SOX6: variants seen among roughly 807,000 people sequenced by gnomAD.
SOX6 encodes the protein transcription factor SOX-6.
A neutral mutation model predicts 97.8 loss-of-function variants in SOX6; 11 were observed. The observed-to-expected ratio is 0.11, with a 90% CI of 0.07 to 0.19. The LOEUF (loss-of-function observed/expected upper bound fraction) is 0.19, where lower values mean the gene tolerates loss of function less well. Among genes scored for constraint, SOX6 ranks in the 10% least tolerant of loss-of-function variants. The probability of loss-of-function intolerance (pLI) is 1.00; values close to 1 mark genes in which losing one functional copy is unlikely to be tolerated. For missense variants in SOX6, 810 were observed against 1,039.5 expected, an observed-to-expected ratio of 0.78 and a Z score of 3.04; for synonymous variants, 360 against 371.4, an observed-to-expected ratio of 0.97 and a Z score of 0.35.
At chr11:16,183,776 C>T in intron 6 of SOX6, 110 bp downstream of exon 6, 1 of 886,572 alleles carries the variant, frequency 1.1e-6, no homozygotes, top group Non-Finnish European at 1.9e-6. Context: ...TGAAAACAGC[C>T]TTATTGGTGC....
At position 16,294,108 on chromosome 11, in the gene SOX6, C is replaced by T. The variant is rs186241353; in HGVS notation, c.445+24338G>A. On this transcript the variant is annotated intron_variant, in intron 3 of 15. Transcript: ENST00000683767. ...GGTTTGAAATTCAAGGGGCCAATCA[C>T]GCTTATTTTCTTTCTTAAATGATTT... Among the ~76,000 whole-genome samples, 11 of 152,016 alleles carry T rather than the reference C, an allele frequency of 7.2e-5. No individual in the cohort carries two copies. The East Asian group carries it at 1.7e-3, about 24-fold the overall frequency.
At chr11:16,603,024 TAAAAAAAGAAA>T (rs1448477364) in intron 4 of SOX6, among the ~76,000 whole-genome samples, 3 of 148,012 alleles carry the variant, frequency 2.0e-5, no homozygotes, top group Non-Finnish European at 4.5e-5. Context: ...CCGTCTCAAA[TAAAAAAAGAAA>T]AAAAAAAGAA....
chr11:16,252,618 G>A (rs1258525401), intron 3 of SOX6: 1 of 152,218 alleles, frequency 6.6e-6, no homozygotes, highest in East Asian at 1.9e-4. Context: ...AGGAGATTAA[G>A]AAGCATTTTT....
At chr11:16,181,103 A>T (rs1663836859) in intron 6 of SOX6, among the ~76,000 whole-genome samples, 1 of 151,590 alleles carries the variant, frequency 6.6e-6, no homozygotes, top group Admixed American at 6.6e-5. Flanking sequence ...AAAAAACAGT[A>T]CTATTTCAGA....
intron 4 of SOX6, among the ~76,000 whole-genome samples, chr11:16,500,611 T>C (rs1860689196): frequency 6.6e-6 from 1 of 152,180 alleles, no homozygotes; most frequent in Non-Finnish European, 1.5e-5. Flanking sequence ...TTCAGCAAAG[T>C]CTCAGGATAC....
chr11:16,693,787 T>TTTTGATAGTA (rs1157731013), intron 3 of SOX6, among the ~76,000 whole-genome samples: 1 of 152,132 alleles, frequency 6.6e-6, no homozygotes, highest in Non-Finnish European at 1.5e-5. Flanking sequence ...ACTTTCTAAG[T>TTTTGATAGTA]CCATATTCTG....
intron 3 of SOX6, among the ~76,000 whole-genome samples, chr11:16,638,129 C>T (rs1315020219): frequency 6.9e-6 from 1 of 145,140 alleles, no homozygotes; most frequent in Non-Finnish European, 1.5e-5. Flanking sequence ...TTGTTCAATT[C>T]CCACCTATAA....
intron 4 of SOX6, among the ~76,000 whole-genome samples, chr11:16,194,896 A>G (rs1005502449): frequency 6.6e-6 from 1 of 152,222 alleles, no homozygotes; most frequent in African/African-American, 2.4e-5. Flanking sequence ...CTCTCCTTCA[A>G]TATAAGACAG....
chr11:16,081,887 T>G (rs1032170075), intron 9 of SOX6, among the ~76,000 whole-genome samples: 4 of 152,106 alleles, frequency 2.6e-5, no homozygotes, highest in Non-Finnish European at 4.4e-5. Flanking sequence ...TAAAGGAAAT[T>G]TTATCGTTTC....
intron 4 of SOX6, among the ~76,000 whole-genome samples, chr11:16,562,392 T>C (rs933300368): frequency 6.6e-6 from 1 of 152,002 alleles, no homozygotes; most frequent in African/African-American, 2.4e-5. Flanking sequence ...AAAACATCAA[T>C]AGATACAGAA....
intron 6 of SOX6, among the ~76,000 whole-genome samples, chr11:16,125,085 T>C (rs1849576947): frequency 6.6e-6 from 1 of 152,074 alleles, no homozygotes; most frequent in East Asian, 1.9e-4. Context: ...CATTCATTGA[T>C]TGACTGACTA....
intron 1 of SOX6, among the ~76,000 whole-genome samples, chr11:16,424,338 C>A (rs1248666103): frequency 2.0e-5 from 3 of 152,204 alleles, no homozygotes; most frequent in African/African-American, 7.2e-5. Flanking sequence ...AAAGTGGATT[C>A]ATATACACTA....
intron 15 of SOX6, among the ~76,000 whole-genome samples, chr11:15,983,892 G>T (rs1177283181): frequency 6.6e-6 from 1 of 152,042 alleles, no homozygotes; most frequent in Non-Finnish European, 1.5e-5. Flanking sequence ...CACAAGCAGA[G>T]ACTTCATTTT....
At chr11:16,443,632 T>C (rs1343672005) in intron 1 of SOX6, among the ~76,000 whole-genome samples, 1 of 152,202 alleles carries the variant, frequency 6.6e-6, no homozygotes, top group Non-Finnish European at 1.5e-5. Flanking sequence ...CATGGGTAAA[T>C]TGCATATTGC....
chr11:16,097,797 C>A, intron 7 of SOX6, 109 bp from the exon 8 acceptor site: 3 of 1,011,490 alleles, frequency 3.0e-6, no homozygotes, highest in South Asian at 2.6e-5. Context: ...TTGCTCTAAG[C>A]CCAAACATCT....
chr11:16,709,674 G>C (rs1848162480), intron 3 of SOX6, among the ~76,000 whole-genome samples: 1 of 152,180 alleles, frequency 6.6e-6, no homozygotes, highest in Admixed American at 6.5e-5. Context: ...AGAACTGTGA[G>C]CCAATTAAAC....
intron 4 of SOX6, among the ~76,000 whole-genome samples, chr11:16,611,478 A>G (rs1210001656): frequency 6.6e-6 from 1 of 152,238 alleles, no homozygotes; most frequent in Non-Finnish European, 1.5e-5. Context: ...TAAATGAGAG[A>G]GTGTAAAAGC....
intron 4 of SOX6, among the ~76,000 whole-genome samples, chr11:16,533,669 T>G (rs1460665750): frequency 6.6e-6 from 1 of 152,182 alleles, no homozygotes; most frequent in South Asian, 2.1e-4. Flanking sequence ...CCTATTGGGA[T>G]GCACGTTTGA....
intron 9 of SOX6, among the ~76,000 whole-genome samples, chr11:16,075,636 T>C (rs1848335667): frequency 6.6e-6 from 1 of 151,888 alleles, no homozygotes; most frequent in African/African-American, 2.4e-5. Context: ...GAGGGGAATA[T>C]CACACACCAA....
Sources: gnomAD v4.1 joint callset for allele counts (sites outside exome capture counted in the v4.1 genomes callset) on GRCh38, gnomAD v4.1.1 for gene constraint, MANE v1.5 for transcripts, NCBI Gene and HGNC (gene_info 2026-07-23, HGNC 2026-07-21) for gene names.